CLYBL: variants seen among roughly 807,000 people sequenced by gnomAD.
CLYBL encodes the protein citramalyl-CoA lyase, mitochondrial.
CLYBL carries 31 observed loss-of-function variants against 38.9 expected under a neutral mutation model. The ratio of observed to expected loss-of-function variants is 0.80; its 90% CI spans 0.60 to 1.08. CLYBL has a LOEUF of 1.08. Ranked by LOEUF, CLYBL falls within the 50% of genes least tolerant of loss-of-function variation. The pLI, the probability that CLYBL is intolerant of heterozygous loss-of-function variation, is 0.00. For synonymous variants in CLYBL, 171 were observed against 158.6 expected (o/e 1.08, Z -0.59); for missense variants, 434 against 411.6 (o/e 1.05, Z -0.47).
chr13:99,716,255 C>T (rs1476984539), intron 1 of CLYBL, among the ~76,000 whole-genome samples: 6 of 130,410 alleles, frequency 4.6e-5, no homozygotes, highest in Non-Finnish European at 7.8e-5. Flanking sequence ...AAGTGATTCT[C>T]CTGCCTCAGC....
chr13:99,757,452 T>TTTTA (rs1333294274), intron 1 of CLYBL, among the ~76,000 whole-genome samples: 2 of 152,124 alleles, frequency 1.3e-5, no homozygotes, highest in South Asian at 4.1e-4. Flanking sequence ...TTTATTTTAT[T>TTTTA]TTTATTTATT....
intron 1 of CLYBL, among the ~76,000 whole-genome samples, chr13:99,750,831 C>CT (rs71118502): frequency 0.28 from 42,371 of 151,502 alleles, 7,350 homozygotes; most frequent in Middle Eastern, 0.42. Context: ...AAAGATATAT[C>CT]TTTTTTTCTG....
chr13:99,898,192 G>A (rs1043758770), downstream of CLYBL, among the ~76,000 whole-genome samples: 5 of 152,166 alleles, frequency 3.3e-5, no homozygotes, highest in Non-Finnish European at 5.9e-5. Flanking sequence ...CAAATAGCTG[G>A]TTTGGCTGGG....
At chr13:99,877,594 T>TA (rs1288007775) in intron 7 of CLYBL, 6 of 322,812 alleles carry the variant, frequency 1.9e-5, no homozygotes, top group East Asian at 2.2e-4. Context: ...TTTTTTTTTT[T>TA]AAGACAGTGT....
At chr13:99,835,040 A>G (rs2050903198) in intron 2 of CLYBL, among the ~76,000 whole-genome samples, 1 of 152,146 alleles carries the variant, frequency 6.6e-6, no homozygotes, top group South Asian at 2.1e-4. Context: ...ATTCTCCAAG[A>G]TCAGTAAAAA....
chr13:99,676,990 A>G (rs1272245654), intron 1 of CLYBL, among the ~76,000 whole-genome samples: 3 of 151,452 alleles, frequency 2.0e-5, no homozygotes, highest in African/African-American at 4.9e-5. Flanking sequence ...AAAAAAGGAC[A>G]AAGTTGGACA....
intron 2 of CLYBL, among the ~76,000 whole-genome samples, chr13:99,829,169 T>G (rs950399040): frequency 1.2e-4 from 18 of 152,214 alleles, no homozygotes; most frequent in Admixed American, 4.6e-4. Context: ...GGACAGAGAT[T>G]TGAAATTTTT....
chr13:99,795,930 G>A (rs954285310), intron 2 of CLYBL, among the ~76,000 whole-genome samples: 2 of 152,206 alleles, frequency 1.3e-5, no homozygotes, highest in Non-Finnish European at 2.9e-5. Context: ...ACTGGTGCAG[G>A]TCTGCAGGGC....
rs113537441 is a variant in CLYBL, at chr13:99,765,508, C to A, written c.63-7316C>A. On this transcript the variant is annotated intron_variant, in intron 1 of 8. Coordinates refer to ENST00000339105, the MANE Select transcript of CLYBL (RefSeq NM_206808.5). ...CTTTTTTTTTGAATAAGCTTTCTACCCCTTGCACTTGCTCAACTCCCTATT... is the reference window on the plus strand; with the variant it reads ...CTTTTTTTTTGAATAAGCTTTCTACACCTTGCACTTGCTCAACTCCCTATT... Among the ~76,000 whole-genome samples the A allele has an allele frequency of 3.2e-3, 490 of 151,936 alleles. 4 individuals carry two copies. The highest frequency in any genetic ancestry group is 0.011 in the African/African-American group (441 of 41,426).
downstream of CLYBL, chr13:99,894,809 C>T (rs2052554038): frequency 6.8e-6 from 1 of 146,624 alleles, no homozygotes; most frequent in African/African-American, 2.5e-5. Flanking sequence ...GTGACAACCT[C>T]ATTTTAATGT....
chr13:99,861,635 A>C (rs896462514), intron 3 of CLYBL, among the ~76,000 whole-genome samples: 6 of 152,138 alleles, frequency 3.9e-5, no homozygotes, highest in African/African-American at 1.4e-4. Context: ...AAAAGTTACT[A>C]AGGAGGTGAT....
chr13:99,746,443 T>C (rs1490989612), intron 1 of CLYBL, among the ~76,000 whole-genome samples: 1 of 151,946 alleles, frequency 6.6e-6, no homozygotes, highest in Non-Finnish European at 1.5e-5. Context: ...GGTGGTCTCA[T>C]GGTAATGATA....
intron 1 of CLYBL, among the ~76,000 whole-genome samples, chr13:99,699,878 C>G (rs2048037743): frequency 6.7e-6 from 1 of 149,652 alleles, no homozygotes. Flanking sequence ...CCTGTAGTCC[C>G]AGCTACTCGA....
In CLYBL at chr13:99,683,234, C is replaced by G. The variant is rs186547074; in HGVS notation, c.62+76477C>G. On this transcript the variant is annotated intron_variant, in intron 1 of 8. Transcript: ENST00000339105. ...GTGGCTGGGCTTGCAGGTGCCCCCC[C>G]CTACACCAGGCTAATTTTTGTGTTT... 9.3e-4 allele frequency among the ~76,000 whole-genome samples: 140 copies of G among 150,512 alleles called. 1 individual carries two copies. Among genetic ancestry groups the G allele is most frequent in the African/African-American group, 2.5e-3 (103 of 40,808 alleles).
Position 99,793,033 on chromosome 13 carries a change from AACACAC to A in CLYBL, c.249+20053_249+20058del, listed in dbSNP as rs10631674. Among the ~76,000 whole-genome samples the A allele has an allele frequency of 6.7e-3, 973 of 146,052 alleles. 10 individuals carry two copies. Among genetic ancestry groups the A allele is most frequent in the African/African-American group, 0.023 (904 of 38,716 alleles). ...TCTTCTTGTGCACATGTGCATACATAACACACACACACACACACACACACACACACA... is the reference window on the plus strand; with the variant it reads ...TCTTCTTGTGCACATGTGCATACATAACACACACACACACACACACACACA... On this transcript the variant is annotated intron_variant, in intron 2 of 8. Transcript: ENST00000339105.
At chr13:99,731,760 T>C (rs1466257584) in intron 1 of CLYBL, among the ~76,000 whole-genome samples, 1 of 152,184 alleles carries the variant, frequency 6.6e-6, no homozygotes, top group Non-Finnish European at 1.5e-5. Flanking sequence ...GCCTCGGACA[T>C]CTCCTGATGT....
chr13:99,796,944 C>A (rs1465893873), intron 2 of CLYBL, among the ~76,000 whole-genome samples: 1 of 152,156 alleles, frequency 6.6e-6, no homozygotes, highest in African/African-American at 2.4e-5. Context: ...AAGAGGGTGC[C>A]ATCGTATCCC....
rs1366110606 is a variant in CLYBL at position 99,819,465 on chromosome 13, T to TATATAAAA, written c.250-39393_250-39392insTAAAAATA. On this transcript the variant is annotated intron_variant, in intron 2 of 8. Transcript: ENST00000339105. Reference sequence around the variant, plus strand: ...ATATATATATATATATATATATATATATAATATTTGTCAGGGTTGTCTGGG... The same window carrying TATATAAAA: ...ATATATATATATATATATATATATATATATAAAAATAATATTTGTCAGGGTTGTCTGGG... 1.4e-3 allele frequency among the ~76,000 whole-genome samples: 85 copies of TATATAAAA among 58,738 alleles called. 3 individuals are homozygous for TATATAAAA. The highest frequency in any genetic ancestry group is 4.5e-3 in the African/African-American group (62 of 13,798). The allele number at this position is 58,738 out of a possible 152,430, so 38.5% of individuals were successfully genotyped here.
chr13:99,825,939 C>T (rs2050686727), intron 2 of CLYBL, among the ~76,000 whole-genome samples: 2 of 152,218 alleles, frequency 1.3e-5, no homozygotes, highest in African/African-American at 2.4e-5. Flanking sequence ...TGCAGCCTCA[C>T]CCCACTGGAC....
Sources: allele counts gnomAD v4.1 joint callset (sites outside exome capture counted in the v4.1 genomes callset), GRCh38; gene constraint gnomAD v4.1.1; transcripts MANE v1.5; gene names NCBI Gene and HGNC (gene_info 2026-07-23, HGNC 2026-07-21).